SEMA4D: variants seen among roughly 807,000 people sequenced by gnomAD.
The protein encoded by SEMA4D is semaphorin 4D.
SEMA4D carries 22 observed loss-of-function variants against 74.8 expected under a neutral mutation model. That is an observed-to-expected ratio of 0.29 (90% CI 0.21 to 0.42). SEMA4D has a LOEUF of 0.42. Among genes scored for constraint, SEMA4D ranks in the 10% least tolerant of loss-of-function variants. SEMA4D has a pLI of 1.00. For missense variants in SEMA4D, 937 were observed against 1,118.4 expected, an observed-to-expected ratio of 0.84 and a Z score of 2.31; for synonymous variants, 445 against 463.7, an observed-to-expected ratio of 0.96 and a Z score of 0.52.
At position 89,378,674 on chromosome 9, in the gene SEMA4D, C is replaced by T. The variant is rs370613028; in HGVS notation, c.*30G>A. On this transcript the variant is annotated 3_prime_UTR_variant, in exon 16 of 16. Transcript: ENST00000422704. ...TCTCCACGCCTGGACACGTCGCAGC[C>T]GAGGCACCAGCGGGGATGCACAGCC... 7.6e-6 allele frequency: 12 copies of T among 1,570,400 alleles called. No individual in the cohort carries two copies. Among genetic ancestry groups the T allele is most frequent in the Admixed American group, 1.7e-5 (1 of 59,728 alleles).
intron 1 of SEMA4D, among the ~76,000 whole-genome samples, chr9:89,459,654 G>T (rs148634180): frequency 6.6e-6 from 1 of 152,260 alleles, no homozygotes; most frequent in African/African-American, 2.4e-5. Flanking sequence ...CCCAAAGGGG[G>T]CTGACCCTCA....
intron 9 of SEMA4D, 31 bp from the exon 10 acceptor site, chr9:89,389,078 CGA>C: frequency 6.2e-7 from 1 of 1,612,016 alleles, no homozygotes; most frequent in Non-Finnish European, 8.5e-7. Flanking sequence ...CGTGGTGGGC[CGA>C]GAGTGGATCC....
downstream of SEMA4D, among the ~76,000 whole-genome samples, chr9:89,373,767 G>A (rs1279371507): frequency 2.0e-5 from 3 of 152,184 alleles, no homozygotes; most frequent in African/African-American, 7.2e-5. Context: ...TGTGCCTTGA[G>A]TGCACTGTAT....
At chr9:89,421,012 C>T (rs1846813067) in intron 2 of SEMA4D, among the ~76,000 whole-genome samples, 1 of 152,226 alleles carries the variant, frequency 6.6e-6, no homozygotes, top group Non-Finnish European at 1.5e-5. Context: ...AGAGATATAA[C>T]AAGCAGGGTG....
chr9:89,405,561 C>T lies in SEMA4D; in HGVS notation c.-105G>A. 1.3e-6 allele frequency: 2 copies of T among 1,523,094 alleles called. No homozygotes were observed. The highest frequency in any genetic ancestry group is 2.5e-5 in the South Asian group (2 of 81,560). 94.3% of individuals were successfully genotyped at this position (1,523,094 alleles called of 1,614,324 possible). ...CGGCTCAGCGCCCCAGGACCAGGGC[C>T]AGCAGCACAGCCTGGAGCTCGTGAA... is the stretch of plus-strand genomic sequence containing the variant. On this transcript the variant is annotated 5_prime_UTR_variant, in exon 3 of 16. Transcript: ENST00000422704.
intron 2 of SEMA4D, among the ~76,000 whole-genome samples, chr9:89,409,537 T>A (rs1844061791): frequency 6.6e-6 from 1 of 152,222 alleles, no homozygotes; most frequent in African/African-American, 2.4e-5. Flanking sequence ...TACCACCTTC[T>A]CAATTTTTCT....
chr9:89,470,652 A>G (rs577787409), intron 1 of SEMA4D, among the ~76,000 whole-genome samples: 2 of 152,352 alleles, frequency 1.3e-5, no homozygotes, highest in Admixed American at 1.3e-4. Flanking sequence ...TGTTCATAGA[A>G]AAGCTCATAC....
intron 1 of SEMA4D, among the ~76,000 whole-genome samples, chr9:89,480,772 A>G (rs1052020495): frequency 4.9e-4 from 74 of 152,300 alleles, no homozygotes; most frequent in East Asian, 7.7e-4. Context: ...AGTGCCGCAC[A>G]CAGCCCCTGT....
In SEMA4D at chr9:89,403,035, G is replaced by GTGA. The variant is rs1187695050; in HGVS notation, c.107-20_107-19insTCA. The GTGA allele has an allele frequency of 1.3e-6, 2 of 1,595,978 alleles. No homozygotes were observed. The highest frequency in any genetic ancestry group is 1.7e-6 in the Non-Finnish European group (2 of 1,164,754). Reference sequence around the variant, plus strand: ...TGCACCTCTGTGGGATGCAAGGGCAGGGTCAGAGTGGGAGGAAGAAAAGAG... The same window carrying GTGA: ...TGCACCTCTGTGGGATGCAAGGGCAGTGAGGTCAGAGTGGGAGGAAGAAAAGAG... On this transcript the variant is annotated intron_variant, in intron 3 of 15. Coordinates refer to ENST00000422704, the MANE Select transcript of SEMA4D (RefSeq NM_001371194.2).
At chr9:89,478,913 G>A (rs1232920402) in intron 1 of SEMA4D, among the ~76,000 whole-genome samples, 1 of 152,160 alleles carries the variant, frequency 6.6e-6, no homozygotes, top group African/African-American at 2.4e-5. Context: ...TGGGTGAGGA[G>A]CCTCAGCGGG....
intron 16 of SEMA4D, chr9:89,363,982 C>G: frequency 6.2e-7 from 1 of 1,613,892 alleles, no homozygotes; most frequent in South Asian, 1.1e-5. Flanking sequence ...ACCTCTGAGT[C>G]CACATTTAGG....
intron 2 of SEMA4D, among the ~76,000 whole-genome samples, chr9:89,426,446 G>A (rs945866466): frequency 3.3e-5 from 5 of 152,076 alleles, no homozygotes; most frequent in South Asian, 2.1e-4. Flanking sequence ...CTCACTATCC[G>A]GGCCTCCTCC....
intron 1 of SEMA4D, among the ~76,000 whole-genome samples, chr9:89,482,569 C>G (rs773239752): frequency 6.6e-6 from 1 of 152,200 alleles, no homozygotes; most frequent in Non-Finnish European, 1.5e-5. Flanking sequence ...GCCCCCAGCC[C>G]AGCAGTTTGG....
intron 2 of SEMA4D, among the ~76,000 whole-genome samples, chr9:89,441,784 C>CCT (rs1851722694): frequency 6.6e-6 from 1 of 152,182 alleles, no homozygotes; most frequent in South Asian, 2.1e-4. Context: ...CCCTAACCCC[C>CCT]CTCCCACACT....
intron 18 of SEMA4D, among the ~76,000 whole-genome samples, chr9:89,362,863 C>T (rs551582131): frequency 7.2e-4 from 109 of 152,326 alleles, no homozygotes; most frequent in African/African-American, 2.5e-3. Flanking sequence ...CCTTCTGTAT[C>T]GGCTATTTAG....
rs1554731460 is a variant in SEMA4D at position 89,369,866 on chromosome 9, A to ATGTGTC, written c.1883-5917_1883-5916insGACACA. 3.3e-5 allele frequency among the ~76,000 whole-genome samples: 5 copies of ATGTGTC among 151,360 alleles called. No homozygotes were observed. The East Asian group carries it at 9.7e-4, about 29-fold the overall frequency. On this transcript the variant is annotated intron_variant, in intron 16 of 18. Transcript: ENST00000339861. ...GAGTTGAAACGATCCTAAGTCAACA[A>ATGTGTC]TGTGTGTGTGTGTGTGTATGGTTGT...
chr9:89,416,676 AAGG>A (rs940019048), intron 2 of SEMA4D, among the ~76,000 whole-genome samples: 8 of 152,142 alleles, frequency 5.3e-5, no homozygotes, highest in African/African-American at 1.2e-4. Flanking sequence ...GGTCGCTTAT[AAGG>A]AGGAGGAGGA....
intron 2 of SEMA4D, among the ~76,000 whole-genome samples, chr9:89,446,984 C>T (rs952894874): frequency 2.6e-5 from 4 of 152,124 alleles, no homozygotes; most frequent in South Asian, 2.1e-4. Context: ...CCTTCCCTTC[C>T]AAATCCTGCC....
chr9:89,448,222 C>T (rs759701624), intron 2 of SEMA4D, among the ~76,000 whole-genome samples: 14 of 152,198 alleles, frequency 9.2e-5, no homozygotes, highest in Non-Finnish European at 1.8e-4. Flanking sequence ...GTGATCCTCC[C>T]ATCTCGGCCT....
Sources: allele counts gnomAD v4.1 joint callset (sites outside exome capture counted in the v4.1 genomes callset), GRCh38; gene constraint gnomAD v4.1.1; transcripts MANE v1.5; gene names NCBI Gene and HGNC (gene_info 2026-07-23, HGNC 2026-07-21).